MGST1: variants seen among roughly 807,000 people sequenced by gnomAD.
MGST1 encodes glutathione S-transferase 12.
In MGST1, 5 loss-of-function variants were observed where a neutral mutation model predicts 8.9. The observed-to-expected ratio is 0.56, with a 90% CI of 0.29 to 1.19. The LOEUF (loss-of-function observed/expected upper bound fraction) is 1.19, where lower values mean the gene tolerates loss of function less well. Among genes scored for constraint, MGST1 ranks in the 50% most tolerant of loss-of-function variants. The pLI is 0.08. For synonymous variants in MGST1, 54 were observed against 67.8 expected, an observed-to-expected ratio of 0.80 and a Z score of 1.00; for missense variants, 182 against 187.4, an observed-to-expected ratio of 0.97 and a Z score of 0.17.
downstream of MGST1, among the ~76,000 whole-genome samples, chr12:16,439,511 C>G (rs563440499): frequency 6.6e-6 from 1 of 151,850 alleles, no homozygotes; most frequent in African/African-American, 2.4e-5. Context: ...CTTGATTCAC[C>G]ATAGCCTTGC....
intron 4 of MGST1, among the ~76,000 whole-genome samples, chr12:16,565,226 A>C (rs1565487653): frequency 6.6e-6 from 1 of 152,258 alleles, no homozygotes. Context: ...TCAATTGAAA[A>C]GATTTTTAAC....
At chr12:16,480,053 C>T (rs1006761245) in intron 4 of MGST1, among the ~76,000 whole-genome samples, 2 of 151,410 alleles carry the variant, frequency 1.3e-5, no homozygotes, top group Non-Finnish European at 1.5e-5. Flanking sequence ...TTGGGTTAGG[C>T]AGTGATCCTT....
chr12:16,401,974 A>C lies in MGST1; in HGVS notation n.778+18370A>C. The C allele has an allele frequency of 6.2e-7, 1 of 1,612,198 alleles. No individual in the cohort carries two copies. Among genetic ancestry groups the C allele is most frequent in the Non-Finnish European group, 8.5e-7 (1 of 1,178,242 alleles). On this transcript the variant is annotated intron_variant and non_coding_transcript_variant, in intron 1 of 1. Transcript: ENST00000359720. The surrounding 1 kb of genome is among the most constrained non-coding windows in gnomAD (Gnocchi z 4.3). ...CCTTCTTTGTTGAGGCAGTCATTCC[A>C]GCTCTTCATGAACTCTCCAGGGAAT...
chr12:16,384,754 A>G (rs1170261565), intron 1 of MGST1, among the ~76,000 whole-genome samples: 2 of 152,270 alleles, frequency 1.3e-5, no homozygotes, highest in Non-Finnish European at 2.9e-5. Context: ...AAAGCATAGT[A>G]ATATTGGTCA....
rs964217704 is a variant in MGST1 at position 16,585,920 on chromosome 12, T to C, written n.483-3608T>C. Reference sequence around the variant, plus strand: ...CATTTATAGTCTCAGAAATCTTGCTTATCCTAAGATCTGGGCGACATTTCA... The same window carrying C: ...CATTTATAGTCTCAGAAATCTTGCTCATCCTAAGATCTGGGCGACATTTCA... On this transcript the variant is annotated intron_variant and non_coding_transcript_variant, in intron 4 of 4. Transcript: ENST00000538857. The surrounding 1 kb of genome is among the most constrained non-coding windows in gnomAD (Gnocchi z 4.7). 1.3e-5 allele frequency among the ~76,000 whole-genome samples: 2 copies of C among 152,186 alleles called. No individual in the cohort carries two copies. The highest frequency in any genetic ancestry group is 2.4e-5 in the African/African-American group (1 of 41,456).
chr12:16,522,418 T>A (rs1245464452), intron 4 of MGST1, among the ~76,000 whole-genome samples: 1 of 152,106 alleles, frequency 6.6e-6, no homozygotes, highest in Non-Finnish European at 1.5e-5. Context: ...GATGGGCCTT[T>A]TTTGACACAG....
intron 4 of MGST1, among the ~76,000 whole-genome samples, chr12:16,504,076 C>G (rs1441629242): frequency 2.6e-5 from 4 of 152,164 alleles, no homozygotes; most frequent in Non-Finnish European, 4.4e-5. Context: ...GGGCTTGCCT[C>G]CCCTGTGTCA....
intron 1 of MGST1, among the ~76,000 whole-genome samples, chr12:16,398,930 G>A (rs1029300283): frequency 2.0e-5 from 3 of 152,178 alleles, no homozygotes; most frequent in African/African-American, 7.2e-5. Context: ...CACTGTCTTG[G>A]AAATACAGCT....
At position 16,414,062 on chromosome 12, in the gene MGST1, C is replaced by CA. The variant is rs775074092; in HGVS notation, n.779-23315dup. Among the ~76,000 whole-genome samples the CA allele has an allele frequency of 4.7e-3, 586 of 124,790 alleles. 2 individuals are homozygous for CA. Among genetic ancestry groups the CA allele is most frequent in the Middle Eastern group, 0.013 (3 of 230 alleles). The allele number at this position is 124,790 out of a possible 152,430, so 81.9% of individuals were successfully genotyped here. A position where few individuals can be genotyped will look rare whatever the true frequency, so the allele number is the denominator to read the frequency against. On this transcript the variant is annotated intron_variant and non_coding_transcript_variant, in intron 1 of 1. Transcript: ENST00000359720. Reference sequence around the variant, plus strand: ...AGAGTTGGGACCATCTGGTTTTATACAAAAAAAAAAATAATAATAATAAGG... The same window carrying CA: ...AGAGTTGGGACCATCTGGTTTTATACAAAAAAAAAAAATAATAATAATAAGG...
rs893573063 is a variant in MGST1, at chr12:16,537,332, C to T, written n.483-52196C>T. Reference sequence around the variant, plus strand: ...TCCACCCCTATGGCTTTGCAGGGTACAGCCCCTCTCCTGGCTGCTTTCATG... The same window carrying T: ...TCCACCCCTATGGCTTTGCAGGGTATAGCCCCTCTCCTGGCTGCTTTCATG... On this transcript the variant is annotated intron_variant and non_coding_transcript_variant, in intron 4 of 4. Coordinates refer to the MGST1 transcript ENST00000538857. The surrounding 1 kb of genome is among the most constrained non-coding windows in gnomAD (Gnocchi z 4.6). 2.6e-5 allele frequency among the ~76,000 whole-genome samples: 4 copies of T among 152,218 alleles called. No homozygotes were observed. Among genetic ancestry groups the T allele is most frequent in the Non-Finnish European group, 5.9e-5 (4 of 68,036 alleles).
chr12:16,398,050 C>T (rs1201292838), intron 1 of MGST1, among the ~76,000 whole-genome samples: 1 of 150,818 alleles, frequency 6.6e-6, no homozygotes, highest in African/African-American at 2.4e-5. Flanking sequence ...ATATATTTTA[C>T]TTTTCTTATA....
At position 16,363,844 on chromosome 12, in the gene MGST1, C is replaced by G. The variant is rs770350835; in HGVS notation, c.271C>G (p.Leu91Val). 2 of 1,612,140 alleles carry G rather than the reference C, an allele frequency of 1.2e-6. No homozygotes were observed. The highest frequency in any genetic ancestry group is 2.2e-5 in the East Asian group (1 of 44,844). Reference protein sequence around the residue: ...ENIIPFLGIGLLYSLSGPDPS... With the variant: ...ENIIPFLGIGVLYSLSGPDPS... ...TATTATTCCATTTCTTGGAATTGGC[C>G]TCCTGTATTCCTTGAGTGGTCCCGA... Residue 91 changes from leucine (L) to valine (V), a missense_variant, in exon 4 of 4, where the codon CTC becomes GTC. By Grantham distance (32) the Leu-to-Val change is conservative. Transcript: ENST00000396210. This position sits in a 1 kb window ranked among gnomAD's most constrained non-coding sequence, Gnocchi z 4.6.
chr12:16,380,935 A>C (rs2137039696), downstream of MGST1, among the ~76,000 whole-genome samples: 1 of 152,168 alleles, frequency 6.6e-6, no homozygotes, highest in Non-Finnish European at 1.5e-5. Context: ...GTTGGTTTAA[A>C]GTCTGTTTTA....
intron 1 of MGST1, chr12:16,399,129 G>A (rs1940630730): frequency 3.9e-6 from 3 of 759,716 alleles, no homozygotes; most frequent in Non-Finnish European, 6.5e-6. Context: ...CGAGTAGATT[G>A]GTCCACATAA....
At chr12:16,532,355 C>T (rs555745820) in intron 4 of MGST1, among the ~76,000 whole-genome samples, 4 of 152,094 alleles carry the variant, frequency 2.6e-5, no homozygotes, top group Non-Finnish European at 5.9e-5. Flanking sequence ...GAGTCTCTGT[C>T]AAAGAAATTG....
intron 3 of MGST1, among the ~76,000 whole-genome samples, chr12:16,372,664 A>G (rs1157663436): frequency 6.6e-6 from 1 of 151,942 alleles, no homozygotes; most frequent in African/African-American, 2.4e-5. Flanking sequence ...TGATTCAGCA[A>G]TCTCACTGCT....
chr12:16,387,003 C>T (rs1364449456), intron 1 of MGST1, among the ~76,000 whole-genome samples: 1 of 152,108 alleles, frequency 6.6e-6, no homozygotes, highest in East Asian at 1.9e-4. Context: ...TTAATAATGG[C>T]CCCAAAGTCC....
intron 3 of MGST1, chr12:16,360,436 A>G (rs9332929): frequency 0.15 from 132,787 of 882,416 alleles, 10,777 homozygotes; most frequent in Non-Finnish European, 0.16. Context: ...ATTAACTAAA[A>G]ACTTAAGGTA....
At chr12:16,360,993 G>A (rs541678025) in intron 3 of MGST1, among the ~76,000 whole-genome samples, 12 of 99,954 alleles carry the variant, frequency 1.2e-4, no homozygotes, top group East Asian at 4.2e-4. Flanking sequence ...CCCCCTCCCC[G>A]CCCCCAAAAG....
Sources: allele counts gnomAD v4.1 joint callset (sites outside exome capture counted in the v4.1 genomes callset), GRCh38; gene constraint gnomAD v4.1.1; non-coding constraint Gnocchi (gnomAD v3.1); transcripts MANE v1.5; gene names NCBI Gene and HGNC (gene_info 2026-07-23, HGNC 2026-07-21).